The following DNAH7 variants were observed in gnomAD, a reference collection of about 807,000 sequenced individuals.
DNAH7 encodes dynein axonemal heavy chain 7, also known as axonemal beta dynein heavy chain 7.
DNAH7 carries 397 observed loss-of-function variants against 444.6 expected under a neutral mutation model. That is an observed-to-expected ratio of 0.89 (90% CI 0.82 to 0.97). DNAH7 has a LOEUF of 0.97. Ranked by LOEUF, DNAH7 falls within the 50% of genes least tolerant of loss-of-function variation. The probability of loss-of-function intolerance (pLI) is 0.00; values close to 1 mark genes in which losing one functional copy is unlikely to be tolerated. For missense variants in DNAH7, 4,902 were observed against 4,800.8 expected (o/e 1.02, Z -0.62); for synonymous variants, 1,636 against 1,624.4 (o/e 1.01, Z -0.17).
intron 24 of DNAH7, among the ~76,000 whole-genome samples, chr2:195,916,208 T>C (rs914494057): frequency 6.6e-6 from 1 of 152,080 alleles, no homozygotes; most frequent in Non-Finnish European, 1.5e-5. Context: ...TCAAAGAAAA[T>C]CTAGGTGATG....
intron 56 of DNAH7, among the ~76,000 whole-genome samples, chr2:195,795,282 G>A (rs181762748): frequency 1.4e-3 from 219 of 152,168 alleles, no homozygotes; most frequent in African/African-American, 4.9e-3. Flanking sequence ...CTCGGGAGGC[G>A]GAGGCACCAG....
At chr2:195,808,043 G>A (rs1179857459) in intron 53 of DNAH7, among the ~76,000 whole-genome samples, 1 of 152,102 alleles carries the variant, frequency 6.6e-6, no homozygotes, top group South Asian at 2.1e-4. Flanking sequence ...CCCTAGGAGA[G>A]CTCTTGCATA....
chr2:196,019,326 C>A, intron 8 of DNAH7, 31 bp from the exon 9 acceptor site: 1 of 1,431,512 alleles, frequency 7.0e-7, no homozygotes, highest in South Asian at 1.7e-5. Flanking sequence ...TAGTTACAGT[C>A]TCAAAAAAAG....
In DNAH7 at chr2:195,972,254, T is replaced by A. The variant is rs184493933; in HGVS notation, c.2046A>T (p.Gln682His). Reference sequence around the variant, plus strand: ...CTAAGATGCCAACCTTCAGACCTTCTTGATATTGTTCTATTTTCTCTTTAA... The same window carrying A: ...CTAAGATGCCAACCTTCAGACCTTCATGATATTGTTCTATTTTCTCTTTAA... ...KIIKEKIEQY[Q>H]EGLKLRCERF... is the part of the protein sequence containing the mutation. Residue 682 changes from glutamine to histidine, a missense_variant, in exon 16 of 65, where the codon CAA (glutamine) becomes CAT (histidine). Physicochemically the swap from Gln to His is conservative, Grantham distance 24 (BLOSUM62 0). Coordinates refer to ENST00000312428, the MANE Select transcript of DNAH7 (RefSeq NM_018897.3). The A allele has an allele frequency of 6.2e-7, 1 of 1,613,460 alleles. No individual in the cohort carries two copies. The highest frequency in any genetic ancestry group is 8.5e-7 in the Non-Finnish European group (1 of 1,179,476).
rs374427560 is a variant in DNAH7 at position 196,024,491 on chromosome 2, T to C, written c.681A>G (p.Leu227=). 1.7e-5 allele frequency: 26 copies of C among 1,575,578 alleles called. No homozygotes were observed. In the African/African-American group the frequency reaches 3.2e-4, roughly 19 times the overall value. The change falls in exon 8 of 65, where the codon TTA becomes TTG. Residue 227 remains leucine, a synonymous_variant. Coordinates refer to ENST00000312428, the MANE Select transcript of DNAH7 (RefSeq NM_018897.3). ...SVRKSIVDFV[L]KDPREKGDDK... is the part of the protein sequence containing the mutation. ...CATCTCCTTTCTCTCGAGGATCTTT[T>C]AAAACAAAATCAACTAAAAGAAAAT...
At chr2:195,843,447 A>C (rs1698803574) in intron 47 of DNAH7, among the ~76,000 whole-genome samples, 1 of 152,224 alleles carries the variant, frequency 6.6e-6, no homozygotes, top group South Asian at 2.1e-4. Flanking sequence ...ATTAAATTTA[A>C]CTTTAGCTCC....
At chr2:195,970,514 ATTTC>A (rs1691772274) in intron 16 of DNAH7, among the ~76,000 whole-genome samples, 1 of 152,144 alleles carries the variant, frequency 6.6e-6, no homozygotes, top group Non-Finnish European at 1.5e-5. Context: ...AAAAAACGGA[ATTTC>A]TTTAATTGTA....
chr2:195,754,921 C>T (rs1693998722), intron 62 of DNAH7, among the ~76,000 whole-genome samples: 1 of 152,232 alleles, frequency 6.6e-6, no homozygotes, highest in African/African-American at 2.4e-5. Context: ...AAGCCATACT[C>T]TCAAGGTTTT....
At chr2:195,875,316 G>T (rs991063790) in intron 38 of DNAH7, among the ~76,000 whole-genome samples, 1 of 152,210 alleles carries the variant, frequency 6.6e-6, no homozygotes, top group Non-Finnish European at 1.5e-5. Context: ...CCAGGACGAT[G>T]TGAGTTCTCA....
chr2:196,053,240 C>A (rs780127218), intron 2 of DNAH7, among the ~76,000 whole-genome samples: 4 of 152,174 alleles, frequency 2.6e-5, no homozygotes, highest in Non-Finnish European at 5.9e-5. Flanking sequence ...TAGAGCTAGA[C>A]AAGTGGGTGC....
rs952260192 is a variant in DNAH7, at chr2:195,809,735, C to T, written c.9888+10G>A. ...AGGGTTTTTTTCTTACAAATGAAAACAGTACTGACCGCCCGCTCATGCAGC... is the reference window on the plus strand; with the variant it reads ...AGGGTTTTTTTCTTACAAATGAAAATAGTACTGACCGCCCGCTCATGCAGC... On this transcript the variant is annotated intron_variant, in intron 52 of 64. Transcript: ENST00000312428. 6 of 1,545,800 alleles carry T rather than the reference C, an allele frequency of 3.9e-6. No homozygotes were observed. Among genetic ancestry groups the T allele is most frequent in the Non-Finnish European group, 5.2e-6 (6 of 1,149,718 alleles).
At chr2:195,923,565 T>C in intron 23 of DNAH7, 30 bp downstream of exon 23, 4 of 1,600,124 alleles carry the variant, frequency 2.5e-6, no homozygotes, top group Non-Finnish European at 2.6e-6. Flanking sequence ...GAAATTGCTG[T>C]GTAATATAAC....
intron 47 of DNAH7, among the ~76,000 whole-genome samples, chr2:195,838,614 A>G (rs1434803364): frequency 6.6e-6 from 1 of 151,998 alleles, no homozygotes; most frequent in Non-Finnish European, 1.5e-5. Flanking sequence ...GAATATATAT[A>G]GTCCAATTTG....
intron 5 of DNAH7, among the ~76,000 whole-genome samples, chr2:196,047,042 G>A (rs541357034): frequency 6.6e-6 from 1 of 151,556 alleles, no homozygotes; most frequent in East Asian, 1.9e-4. Flanking sequence ...CATCACCTGA[G>A]CAGATGAGAT....
At chr2:195,810,553 G>A (rs762608132) in intron 51 of DNAH7, among the ~76,000 whole-genome samples, 6 of 151,206 alleles carry the variant, frequency 4.0e-5, no homozygotes, top group African/African-American at 1.2e-4. Flanking sequence ...CTGGGACTAC[G>A]GGCGTGCACC....
rs1273997464 is a variant in DNAH7 at position 195,876,540 on chromosome 2, T to C, written c.6117+4A>G. On this transcript the variant is annotated splice_donor_region_variant and intron_variant, in intron 37 of 64. Coordinates refer to ENST00000312428, the MANE Select transcript of DNAH7 (RefSeq NM_018897.3). The stretch of plus-strand genomic sequence containing the variant: ...GGCCCGGGTACTGTACAAAGAGTCA[T>C]TACCATTCTCTTGCCCAAAGGAGGA... 3 of 1,613,448 alleles carry C rather than the reference T, an allele frequency of 1.9e-6. No homozygotes were observed. Among genetic ancestry groups the C allele is most frequent in the South Asian group, 1.1e-5 (1 of 91,004 alleles).
intron 54 of DNAH7, among the ~76,000 whole-genome samples, chr2:195,806,190 G>A (rs1039683763): frequency 6.6e-6 from 1 of 151,848 alleles, no homozygotes; most frequent in African/African-American, 2.4e-5. Context: ...TACAAATGAG[G>A]ATGTTAATGA....
At chr2:195,783,915 C>CT (rs930456600) in intron 58 of DNAH7, among the ~76,000 whole-genome samples, 36 of 147,580 alleles carry the variant, frequency 2.4e-4, no homozygotes, top group Middle Eastern at 3.6e-3. Context: ...CTGATTTGTA[C>CT]TTTTTTTTTT....
chr2:195,996,015 C>A (rs539077894), intron 12 of DNAH7, among the ~76,000 whole-genome samples: 2 of 152,158 alleles, frequency 1.3e-5, no homozygotes, highest in South Asian at 2.1e-4. Context: ...TAATTCTTCC[C>A]ATTTATGAAC....
Sources: allele counts gnomAD v4.1 joint callset (sites outside exome capture counted in the v4.1 genomes callset), GRCh38; gene constraint gnomAD v4.1.1; transcripts MANE v1.5; gene names NCBI Gene and HGNC (gene_info 2026-07-23, HGNC 2026-07-21).